The following NDST4 variants were observed in gnomAD, a reference collection of about 807,000 sequenced individuals.
NDST4 encodes N-heparan sulfate sulfotransferase 4.
In NDST4, 63 loss-of-function variants were observed where a neutral mutation model predicts 100.8. That is an observed-to-expected ratio of 0.62 (90% CI 0.51 to 0.77). NDST4 has a LOEUF of 0.77. Among genes scored for constraint, NDST4 ranks in the 30% least tolerant of loss-of-function variants. The pLI is 0.00. For missense variants in NDST4, 943 were observed against 1,018.4 expected, an observed-to-expected ratio of 0.93 and a Z score of 1.01; for synonymous variants, 377 against 361.8, an observed-to-expected ratio of 1.04 and a Z score of -0.48.
chr4:114,835,534 C>T (rs911867619), intron 11 of NDST4, among the ~76,000 whole-genome samples: 24 of 152,188 alleles, frequency 1.6e-4, no homozygotes, highest in African/African-American at 5.8e-4. Flanking sequence ...GTTGTACTTC[C>T]CATTACGTGG....
intron 11 of NDST4, among the ~76,000 whole-genome samples, chr4:114,837,403 G>A (rs940871720): frequency 1.2e-4 from 19 of 152,014 alleles, no homozygotes; most frequent in African/African-American, 3.4e-4. Flanking sequence ...AGCTGGAGGC[G>A]TCATGCTACC....
At chr4:114,923,222 T>C (rs1470552032) in intron 6 of NDST4, among the ~76,000 whole-genome samples, 1 of 152,134 alleles carries the variant, frequency 6.6e-6, no homozygotes, top group Non-Finnish European at 1.5e-5. Flanking sequence ...TTTCCTCAAA[T>C]ATAAAAATAG....
Position 115,023,746 on chromosome 4 carries a change from G to T in NDST4, c.979-46472C>A, listed in dbSNP as rs114126941. Among the ~76,000 whole-genome samples the T allele has an allele frequency of 4.9e-3, 741 of 152,212 alleles. 6 individuals are homozygous for T. Among genetic ancestry groups the T allele is most frequent in the African/African-American group, 0.017 (706 of 41,540 alleles). ...CATCCATCATTTGCTAAAGAGATTC[G>T]TATGGACAAAAGGTATCATGAACAC... On this transcript the variant is annotated intron_variant, in intron 2 of 13. Transcript: ENST00000264363.
At chr4:115,014,988 A>T (rs1245048792) in intron 2 of NDST4, among the ~76,000 whole-genome samples, 2 of 152,082 alleles carry the variant, frequency 1.3e-5, no homozygotes, top group Admixed American at 1.3e-4. Flanking sequence ...AACCTGGATT[A>T]TAAAAATAGA....
At chr4:115,071,439 A>G (rs1014426312) in intron 2 of NDST4, among the ~76,000 whole-genome samples, 1 of 152,132 alleles carries the variant, frequency 6.6e-6, no homozygotes, top group African/African-American at 2.4e-5. Flanking sequence ...AACATAACCA[A>G]GATTTTTTAT....
At chr4:115,051,863 T>C (rs562035868) in intron 2 of NDST4, among the ~76,000 whole-genome samples, 1 of 152,236 alleles carries the variant, frequency 6.6e-6, no homozygotes, top group East Asian at 1.9e-4. Context: ...TTGTACTAAT[T>C]TACATTCTCA....
intron 2 of NDST4, among the ~76,000 whole-genome samples, chr4:115,018,846 TG>T (rs1171462390): frequency 6.6e-6 from 1 of 151,962 alleles, no homozygotes; most frequent in Admixed American, 6.6e-5. Context: ...TACCAGGACA[TG>T]AAAATTTCAA....
At chr4:114,926,775 G>A (rs540149315) in intron 6 of NDST4, among the ~76,000 whole-genome samples, 1 of 152,204 alleles carries the variant, frequency 6.6e-6, no homozygotes, top group Admixed American at 6.5e-5. Flanking sequence ...AACAAAATGT[G>A]AAACTTTTCA....
intron 2 of NDST4, among the ~76,000 whole-genome samples, chr4:115,033,155 A>AT (rs1293503455): frequency 2.6e-3 from 72 of 27,592 alleles, no homozygotes; most frequent in Admixed American, 0.01. Flanking sequence ...ATATATATAT[A>AT]TATTTTTTTT....
intron 2 of NDST4, among the ~76,000 whole-genome samples, chr4:115,027,467 A>G (rs1446090142): frequency 2.6e-5 from 4 of 152,256 alleles, no homozygotes; most frequent in African/African-American, 9.6e-5. Context: ...GGTGATAAAG[A>G]CGACAGCTTA....
intron 2 of NDST4, among the ~76,000 whole-genome samples, chr4:115,041,017 A>G (rs1224741872): frequency 1.3e-5 from 2 of 152,092 alleles, no homozygotes; most frequent in African/African-American, 2.4e-5. Context: ...TCTACCTCTG[A>G]GTAACCAAAT....
At chr4:115,040,560 C>A (rs921483927) in intron 2 of NDST4, among the ~76,000 whole-genome samples, 1 of 151,472 alleles carries the variant, frequency 6.6e-6, no homozygotes, top group Non-Finnish European at 1.5e-5. Context: ...ACTGTGTCTT[C>A]CTGTTTTTGT....
At chr4:114,927,724 A>G (rs1422521478) in intron 6 of NDST4, among the ~76,000 whole-genome samples, 2 of 152,142 alleles carry the variant, frequency 1.3e-5, no homozygotes, top group Non-Finnish European at 2.9e-5. Context: ...TTTCAAAACC[A>G]CAGAGAAAAT....
chr4:114,875,290 A>C (rs941711025), intron 6 of NDST4, among the ~76,000 whole-genome samples: 21 of 152,260 alleles, frequency 1.4e-4, no homozygotes, highest in African/African-American at 4.1e-4. Flanking sequence ...ACCAAACATA[A>C]AACAAGTCTA....
At chr4:114,865,463 T>G (rs925375773) in intron 7 of NDST4, among the ~76,000 whole-genome samples, 1 of 152,174 alleles carries the variant, frequency 6.6e-6, no homozygotes. Flanking sequence ...GAAAGCCAAC[T>G]CAATAAAATG....
At position 115,076,882 on chromosome 4, in the gene NDST4, C is replaced by T. The variant is rs1330569467; in HGVS notation, c.155G>A (p.Cys52Tyr). The T allele has an allele frequency of 1.2e-6, 2 of 1,613,692 alleles. No homozygotes were observed. Among genetic ancestry groups the T allele is most frequent in the African/African-American group, 1.3e-5 (1 of 74,918 alleles). ...TLIETTAEAECTDIKILPYRS... is the reference protein window; with the variant it reads ...TLIETTAEAEYTDIKILPYRS... ...ATATGGTAGAATTTTGATGTCAGTG[C>T]ATTCTGCTTCTGCAGTGGTTTCAAT... is the stretch of plus-strand genomic sequence containing the variant. The change falls in exon 2 of 14, where the codon TGC becomes TAC. Residue 52 changes from cysteine to tyrosine, a missense_variant. Physicochemically the swap from Cys to Tyr is radical, Grantham distance 194 (BLOSUM62 -2). Coordinates refer to ENST00000264363, the MANE Select transcript of NDST4 (RefSeq NM_022569.3).
In NDST4 at chr4:114,855,132, GT is replaced by G. The variant is rs948455981; in HGVS notation, c.1720-2312del. On this transcript the variant is annotated intron_variant, in intron 7 of 13. Transcript: ENST00000264363. The stretch of plus-strand genomic sequence containing the variant: ...TGCCCATTTTTAAATCAGATTATTA[GT>G]TTTTTTTTTCCTATAGAGTTGTTTG... 9.0e-3 allele frequency among the ~76,000 whole-genome samples: 1,354 copies of G among 149,840 alleles called. 11 individuals carry two copies. Among genetic ancestry groups the G allele is most frequent in the African/African-American group, 0.024 (990 of 40,926 alleles).
At chr4:114,960,372 C>A (rs1560831665) in intron 4 of NDST4, among the ~76,000 whole-genome samples, 1 of 151,970 alleles carries the variant, frequency 6.6e-6, no homozygotes, top group East Asian at 1.9e-4. Context: ...CTTTGGGAGG[C>A]CAACGCGGGC....
chr4:114,860,658 G>T (rs1460682159), intron 7 of NDST4, among the ~76,000 whole-genome samples: 1 of 152,150 alleles, frequency 6.6e-6, no homozygotes, highest in Non-Finnish European at 1.5e-5. Context: ...ACTGTCTGCA[G>T]CTCCAAGACT....
Sources: gnomAD v4.1 joint callset for allele counts (sites outside exome capture counted in the v4.1 genomes callset) on GRCh38, gnomAD v4.1.1 for gene constraint, MANE v1.5 for transcripts, NCBI Gene and HGNC (gene_info 2026-07-23, HGNC 2026-07-21) for gene names.